Variants in CHMP5 observed in about 807,000 individuals in gnomAD.
CHMP5 encodes SNF7 domain containing 2.
CHMP5 carries 17 observed loss-of-function variants against 33.0 expected under a neutral mutation model. That is an observed-to-expected ratio of 0.52 (90% CI 0.35 to 0.77). CHMP5 has a LOEUF of 0.77. Ranked by LOEUF, CHMP5 falls within the 30% of genes least tolerant of loss-of-function variation. The probability of loss-of-function intolerance (pLI) is 0.01; values close to 1 mark genes in which losing one functional copy is unlikely to be tolerated. For missense variants in CHMP5, 216 were observed against 261.5 expected (o/e 0.83, Z 1.20); for synonymous variants, 76 against 90.2 (o/e 0.84, Z 0.89).
At chr9:33,273,484 A>G (rs1271941702) in intron 5 of CHMP5, among the ~76,000 whole-genome samples, 4 of 152,208 alleles carry the variant, frequency 2.6e-5, no homozygotes, top group South Asian at 2.1e-4. Context: ...CTGTCCTCCA[A>G]TAGATTGCCA....
chr9:33,277,509 G>A (rs191631634), intron 6 of CHMP5, among the ~76,000 whole-genome samples: 58 of 152,286 alleles, frequency 3.8e-4, no homozygotes, highest in African/African-American at 1.3e-3. Flanking sequence ...AAGGGTTGTC[G>A]AATGGCCTCA....
chr9:33,275,039 C>G (rs1820836201), intron 5 of CHMP5, among the ~76,000 whole-genome samples: 1 of 152,216 alleles, frequency 6.6e-6, no homozygotes, highest in Non-Finnish European at 1.5e-5. Flanking sequence ...CACTCCTAAC[C>G]ATTATACCAG....
At chr9:33,273,158 G>C (rs1820815088) in intron 5 of CHMP5, among the ~76,000 whole-genome samples, 1 of 152,224 alleles carries the variant, frequency 6.6e-6, no homozygotes, top group Non-Finnish European at 1.5e-5. Flanking sequence ...TTTTAGTAGA[G>C]ATGGGGTTTC....
intron 5 of CHMP5, among the ~76,000 whole-genome samples, chr9:33,275,789 C>T (rs1335247509): frequency 6.6e-6 from 1 of 152,166 alleles, no homozygotes; most frequent in African/African-American, 2.4e-5. Context: ...GTGGGCAGAT[C>T]ACCTGAGGTC....
chr9:33,269,418 C>T (rs528460310), intron 3 of CHMP5, among the ~76,000 whole-genome samples: 6 of 152,240 alleles, frequency 3.9e-5, no homozygotes, highest in Non-Finnish European at 5.9e-5. Context: ...GCAGGAGAAT[C>T]GCTTGAACCC....
chr9:33,266,104 G>T lies in CHMP5; in HGVS notation c.164G>T (p.Gly55Val). 1 of 1,610,272 alleles carries T rather than the reference G, an allele frequency of 6.2e-7. No individual in the cohort carries two copies. The highest frequency in any genetic ancestry group is 1.7e-5 in the Admixed American group (1 of 59,972). ...YKDQIKKMRE[G>V]PAKNMVKQKA... ...GATCAGATCAAGAAGATGAGAGAGGGTCCTGCAAAGGTAAGGTGGGCAGCA... is the reference window on the plus strand; with the variant it reads ...GATCAGATCAAGAAGATGAGAGAGGTTCCTGCAAAGGTAAGGTGGGCAGCA... The change falls in exon 2 of 8, where the codon GGT becomes GTT. Residue 55 changes from glycine (G) to valine (V), a missense_variant. By Grantham distance (109) the Gly-to-Val change is moderately radical. Transcript: ENST00000223500.
At chr9:33,278,658 A>G (rs1481446887) in intron 7 of CHMP5, among the ~76,000 whole-genome samples, 2 of 151,100 alleles carry the variant, frequency 1.3e-5, no homozygotes, top group African/African-American at 4.9e-5. Context: ...TTTCCTGTAC[A>G]CACAGGAGTT....
intron 5 of CHMP5, among the ~76,000 whole-genome samples, chr9:33,272,103 G>A (rs1004256525): frequency 6.6e-6 from 1 of 152,126 alleles, no homozygotes; most frequent in Non-Finnish European, 1.5e-5. Context: ...CCAGGGAGAT[G>A]AGCCCTAAGA....
intron 6 of CHMP5, among the ~76,000 whole-genome samples, chr9:33,277,024 C>T (rs533857232): frequency 6.6e-6 from 1 of 151,846 alleles, no homozygotes. Context: ...GGCGTCACCC[C>T]GTCTCTATAA....
chr9:33,275,385 C>A (rs533761309), intron 5 of CHMP5, among the ~76,000 whole-genome samples: 9 of 152,036 alleles, frequency 5.9e-5, no homozygotes, highest in African/African-American at 2.2e-4. Context: ...CCATTTTTTT[C>A]ACCAGCCTTG....
In CHMP5 at chr9:33,280,934, T is replaced by C. The variant is rs2118061310; in HGVS notation, c.*75T>C. On this transcript the variant is annotated 3_prime_UTR_variant, in exon 8 of 8. Transcript: ENST00000223500. ...TAGGAAATATTTATCTTTCCAAATT[T>C]GCCATAACAGATTTAGGTTTCTTTC... 1 of 1,286,958 alleles carries C rather than the reference T, an allele frequency of 7.8e-7. No individual in the cohort carries two copies. Among genetic ancestry groups the C allele is most frequent in the East Asian group, 2.5e-5 (1 of 40,730 alleles). The allele number at this position is 1,286,958 out of a possible 1,614,324, so 79.7% of individuals were successfully genotyped here. A position where few individuals can be genotyped will look rare whatever the true frequency, so the allele number is the denominator to read the frequency against.
At chr9:33,280,418 G>A (rs1820908509) in intron 7 of CHMP5, among the ~76,000 whole-genome samples, 1 of 152,226 alleles carries the variant, frequency 6.6e-6, no homozygotes, top group Non-Finnish European at 1.5e-5. Context: ...CACGGGCACT[G>A]CTCCTTCAAG....
At chr9:33,267,947 G>A (rs774406190) in intron 3 of CHMP5, 48 bp downstream of exon 3, 3 of 1,277,210 alleles carry the variant, frequency 2.3e-6, no homozygotes, top group South Asian at 2.4e-5. Context: ...AACTAAAAGA[G>A]AAATGGTCTT....
chr9:33,279,787 C>T (rs902260134), intron 7 of CHMP5, among the ~76,000 whole-genome samples: 3 of 144,616 alleles, frequency 2.1e-5, no homozygotes, highest in South Asian at 2.3e-4. Flanking sequence ...CACTTGAAGC[C>T]GGGAGGCGGA....
chr9:33,279,009 C>T (rs1241453732), intron 7 of CHMP5, among the ~76,000 whole-genome samples: 1 of 152,080 alleles, frequency 6.6e-6, no homozygotes, highest in Non-Finnish European at 1.5e-5. Flanking sequence ...CTGCAACCTC[C>T]GCCCCCCTGG....
At chr9:33,274,677 G>A (rs1223675862) in intron 5 of CHMP5, among the ~76,000 whole-genome samples, 3 of 152,086 alleles carry the variant, frequency 2.0e-5, no homozygotes, top group South Asian at 4.2e-4. Context: ...GTGCGGTGGC[G>A]CGATCTCGGC....
intron 7 of CHMP5, among the ~76,000 whole-genome samples, chr9:33,279,068 G>C (rs1036927937): frequency 6.6e-6 from 1 of 152,088 alleles, no homozygotes; most frequent in African/African-American, 2.4e-5. Context: ...GCGATTACAG[G>C]TGCGCGCCAA....
At chr9:33,271,266 T>C in intron 5 of CHMP5, 43 bp downstream of exon 5, 3 of 1,487,740 alleles carry the variant, frequency 2.0e-6, no homozygotes, top group Non-Finnish European at 2.8e-6. Flanking sequence ...CACTAGTTTC[T>C]GAGAGAATCC....
intron 4 of CHMP5, 90 bp from the exon 5 acceptor site, chr9:33,271,062 A>C: frequency 9.3e-7 from 1 of 1,072,594 alleles, no homozygotes; most frequent in Non-Finnish European, 1.4e-6. Context: ...CAAGAGTGCA[A>C]CTCTGTCTCA....
Sources: gnomAD v4.1 joint callset for allele counts (sites outside exome capture counted in the v4.1 genomes callset) on GRCh38, gnomAD v4.1.1 for gene constraint, MANE v1.5 for transcripts, NCBI Gene and HGNC (gene_info 2026-07-23, HGNC 2026-07-21) for gene names.